Variants in GALNT17 observed in about 807,000 individuals in gnomAD.
GALNT17 encodes UDP-GalNAc:polypeptide N-acetylgalactosaminyltransferase-like 3.
Under a neutral mutation model 63.7 loss-of-function variants are expected in GALNT17, and 29 were observed. That is an observed-to-expected ratio of 0.46 (90% CI 0.34 to 0.62). The LOEUF (loss-of-function observed/expected upper bound fraction) is 0.62, where lower values mean the gene tolerates loss of function less well. Among genes scored for constraint, GALNT17 ranks in the 20% least tolerant of loss-of-function variants. The pLI is 0.01. For missense variants in GALNT17, 603 were observed against 799.6 expected (o/e 0.75, Z 2.97); for synonymous variants, 305 against 318.3 (o/e 0.96, Z 0.45).
intron 5 of GALNT17, among the ~76,000 whole-genome samples, chr7:71,464,919 A>G (rs1295248974): frequency 3.3e-5 from 5 of 152,232 alleles, no homozygotes; most frequent in Non-Finnish European, 7.3e-5. Flanking sequence ...GTAAAGAGAC[A>G]AGGTGTTGGG....
In GALNT17 at chr7:71,207,084, C is replaced by T. The variant is rs1017913238; in HGVS notation, c.238+74044C>T. 6.0e-5 allele frequency among the ~76,000 whole-genome samples: 9 copies of T among 151,214 alleles called. No homozygotes were observed. In the South Asian group the frequency reaches 1.0e-3, roughly 18 times the overall value. ...TCGTGCCACTGCACTCCAGCCTGGG[C>T]GACAGAGCGAGACTCTGTCTCAAAG... is the stretch of plus-strand genomic sequence containing the variant. On this transcript the variant is annotated intron_variant, in intron 1 of 10. Transcript: ENST00000333538.
intron 3 of GALNT17, among the ~76,000 whole-genome samples, chr7:71,395,932 A>G (rs1793130520): frequency 6.6e-6 from 1 of 152,120 alleles, no homozygotes; most frequent in South Asian, 2.1e-4. Context: ...GCCCATTTTA[A>G]AATTGATTAT....
intron 5 of GALNT17, among the ~76,000 whole-genome samples, chr7:71,507,549 T>C (rs926360538): frequency 6.6e-6 from 1 of 152,218 alleles, no homozygotes; most frequent in African/African-American, 2.4e-5. Flanking sequence ...GGTCCGCCTT[T>C]GACCCCTTGA....
At chr7:71,147,663 A>T (rs575274572) in intron 1 of GALNT17, among the ~76,000 whole-genome samples, 1 of 150,628 alleles carries the variant, frequency 6.6e-6, no homozygotes, top group South Asian at 2.1e-4. Flanking sequence ...ACGGAGTCTC[A>T]CTCTGTCGTC....
At chr7:71,604,720 G>C (rs948766799) in intron 6 of GALNT17, among the ~76,000 whole-genome samples, 1 of 152,146 alleles carries the variant, frequency 6.6e-6, no homozygotes, top group South Asian at 2.1e-4. Flanking sequence ...GAGCTTTATA[G>C]CACAAGCCCA....
chr7:71,667,339 G>GTT (rs1791000011), intron 7 of GALNT17, among the ~76,000 whole-genome samples: 1 of 152,200 alleles, frequency 6.6e-6, no homozygotes, highest in African/African-American at 2.4e-5. Context: ...CTTTTTAGCT[G>GTT]TTAAGTAATA....
chr7:71,331,407 T>A (rs1473741675), intron 1 of GALNT17, among the ~76,000 whole-genome samples: 1 of 152,126 alleles, frequency 6.6e-6, no homozygotes, highest in Non-Finnish European at 1.5e-5. Context: ...CATGGAACCT[T>A]TAAAAAGTTC....
chr7:71,147,418 ATTCAGCTGGCAGCTGAT>A, intron 1 of GALNT17, among the ~76,000 whole-genome samples: 2 of 152,226 alleles, frequency 1.3e-5, no homozygotes, highest in East Asian at 3.9e-4. Context: ...CCTGCTTTAT[ATTCAGCTGGCAGCTGAT>A]TAGATGGTGC....
intron 8 of GALNT17, among the ~76,000 whole-genome samples, chr7:71,670,903 C>CGT (rs1159063657): frequency 1.2e-4 from 8 of 69,146 alleles, no homozygotes; most frequent in Non-Finnish European, 1.8e-4. Context: ...TGTGTGTGTG[C>CGT]GTGTGTGTGT....
chr7:71,247,726 C>T (rs974072817), intron 1 of GALNT17, among the ~76,000 whole-genome samples: 1 of 151,980 alleles, frequency 6.6e-6, no homozygotes, highest in Admixed American at 6.6e-5. Context: ...CAAAGTGCTG[C>T]GATTACAGGC....
chr7:71,587,190 G>C (rs992994711), intron 6 of GALNT17, among the ~76,000 whole-genome samples: 5 of 151,970 alleles, frequency 3.3e-5, no homozygotes, highest in Admixed American at 3.3e-4. Flanking sequence ...ACCACACCAG[G>C]CTAATTTTTC....
intron 9 of GALNT17, among the ~76,000 whole-genome samples, chr7:71,695,014 C>T (rs1336277354): frequency 2.6e-5 from 4 of 152,212 alleles, no homozygotes; most frequent in Admixed American, 1.3e-4. Context: ...ATGTCATCAG[C>T]GGTCTGTCCT....
At chr7:71,706,582 A>T (rs558768651) in intron 9 of GALNT17, among the ~76,000 whole-genome samples, 1 of 152,306 alleles carries the variant, frequency 6.6e-6, no homozygotes, top group Admixed American at 6.5e-5. Context: ...AAATATATTC[A>T]GGCAGACATT....
At chr7:71,390,738 T>G (rs1023183800) in intron 3 of GALNT17, among the ~76,000 whole-genome samples, 3 of 152,156 alleles carry the variant, frequency 2.0e-5, no homozygotes, top group Non-Finnish European at 4.4e-5. Flanking sequence ...TTCATCAGCC[T>G]TCTAAGTCCC....
rs965367542 is a variant in GALNT17 at position 71,348,135 on chromosome 7, C to T, written c.422+12402C>T. ...AATTAGCTGAGCGTGGTGGTGGGTG[C>T]CTGTAATCTCAGATACTCAGGGGGC... On this transcript the variant is annotated intron_variant, in intron 2 of 10. Coordinates refer to ENST00000333538, the MANE Select transcript of GALNT17 (RefSeq NM_022479.3). 3.3e-5 allele frequency among the ~76,000 whole-genome samples: 5 copies of T among 152,146 alleles called. No homozygotes were observed. The East Asian group carries it at 9.7e-4, about 29-fold the overall frequency.
At chr7:71,394,180 T>C (rs1793099425) in intron 3 of GALNT17, among the ~76,000 whole-genome samples, 1 of 151,998 alleles carries the variant, frequency 6.6e-6, no homozygotes, top group South Asian at 2.1e-4. Context: ...CTTCCACTCA[T>C]GGTAGAAGAG....
chr7:71,570,881 G>A (rs145237036), intron 5 of GALNT17, among the ~76,000 whole-genome samples: 61 of 152,276 alleles, frequency 4.0e-4, no homozygotes, highest in African/African-American at 1.4e-3. Context: ...AGGGGGTTGA[G>A]GCAGGAGAAT....
chr7:71,325,392 C>T (rs1319640880), intron 1 of GALNT17, among the ~76,000 whole-genome samples: 1 of 152,152 alleles, frequency 6.6e-6, no homozygotes, highest in Non-Finnish European at 1.5e-5. Flanking sequence ...AGATTTACTG[C>T]ATGCTGGGCT....
intron 6 of GALNT17, among the ~76,000 whole-genome samples, chr7:71,613,825 A>G (rs1304113149): frequency 1.4e-5 from 2 of 146,658 alleles, no homozygotes; most frequent in Admixed American, 6.9e-5. Flanking sequence ...TTAGCTGGAC[A>G]TGGTGATGCA....
Sources: gnomAD v4.1 joint callset for allele counts (sites outside exome capture counted in the v4.1 genomes callset) on GRCh38, gnomAD v4.1.1 for gene constraint, MANE v1.5 for transcripts, NCBI Gene and HGNC (gene_info 2026-07-23, HGNC 2026-07-21) for gene names.